FRAS1: variants seen among roughly 807,000 people sequenced by gnomAD.
FRAS1 encodes the protein Fraser extracellular matrix complex subunit 1.
In FRAS1, 290 loss-of-function variants were observed where a neutral mutation model predicts 435.2. The observed-to-expected ratio is 0.67, with a 90% CI of 0.61 to 0.73. FRAS1 has a LOEUF of 0.73. Ranked by LOEUF, FRAS1 falls within the 30% of genes least tolerant of loss-of-function variation. FRAS1 has a pLI of 0.00. For synonymous variants in FRAS1, 1,800 were observed against 1,851.0 expected, an observed-to-expected ratio of 0.97 and a Z score of 0.71; for missense variants, 4,860 against 5,001.5, an observed-to-expected ratio of 0.97 and a Z score of 0.85.
chr4:78,266,496 T>A (rs1299598831), intron 7 of FRAS1, among the ~76,000 whole-genome samples: 1 of 152,196 alleles, frequency 6.6e-6, no homozygotes, highest in South Asian at 2.1e-4. Flanking sequence ...CTGGGTCTCC[T>A]GGCAAAGGCA....
At chr4:78,481,315 T>G (rs935418535) in intron 56 of FRAS1, among the ~76,000 whole-genome samples, 3 of 152,160 alleles carry the variant, frequency 2.0e-5, no homozygotes, top group African/African-American at 7.2e-5. Flanking sequence ...AACAGAGAAA[T>G]CAACTCAGTT....
At chr4:78,441,379 G>A (rs990885028) in intron 41 of FRAS1, 82 bp downstream of exon 41, 4 of 1,318,498 alleles carry the variant, frequency 3.0e-6, no homozygotes, top group Non-Finnish European at 4.2e-6. Context: ...GCTAAAGATG[G>A]AGATGGAGAA....
chr4:78,176,981 C>A (rs1173757010), intron 2 of FRAS1, among the ~76,000 whole-genome samples: 1 of 152,124 alleles, frequency 6.6e-6, no homozygotes. Context: ...TTGCTGAAAC[C>A]AAAATTCATT....
At chr4:78,347,412 G>A (rs895414798) in intron 20 of FRAS1, among the ~76,000 whole-genome samples, 8 of 152,258 alleles carry the variant, frequency 5.3e-5, no homozygotes, top group East Asian at 3.9e-4. Context: ...ATCAACTTTG[G>A]TTTATAAAAC....
In FRAS1 at chr4:78,407,777, A is replaced by G. The variant is rs762269907; in HGVS notation, c.4244A>G (p.Asn1415Ser). ...AGCACCTTCACCCAGCAGGACATCA[A>G]TGAAGGCATCGTATGGTACAGGCAC... is the stretch of plus-strand genomic sequence containing the variant. The part of the protein sequence containing the change: ...PTSTFTQQDI[N>S]EGIVWYRHSG... The change falls in exon 31 of 74, where the codon AAT becomes AGT. Residue 1415 changes from asparagine (N) to serine (S), a missense_variant. Asn to Ser is a conservative substitution (Grantham distance 46). Coordinates refer to ENST00000512123, the MANE Select transcript of FRAS1 (RefSeq NM_025074.7). The G allele has an allele frequency of 6.8e-6, 11 of 1,613,770 alleles. No individual in the cohort carries two copies. The highest frequency in any genetic ancestry group is 1.3e-5 in the African/African-American group (1 of 74,900).
chr4:78,408,703 C>T (rs1366748065), intron 31 of FRAS1, among the ~76,000 whole-genome samples: 17 of 152,120 alleles, frequency 1.1e-4, no homozygotes. Context: ...TGAGTTAATA[C>T]AGATAGAGTA....
chr4:78,483,799 A>ATATATATATATACATACATATATAT (rs1560753038), intron 58 of FRAS1, among the ~76,000 whole-genome samples: 1 of 67,464 alleles, frequency 1.5e-5, no homozygotes, highest in African/African-American at 4.1e-5. Flanking sequence ...TATATATATA[A>ATATATATATATACATACATATATAT]AATTATGTAT....
chr4:78,111,521 A>C (rs1314894827), intron 2 of FRAS1, among the ~76,000 whole-genome samples: 1 of 68,614 alleles, frequency 1.5e-5, no homozygotes, highest in African/African-American at 5.8e-5. Flanking sequence ...CAAACACCGC[A>C]TATTCTCACT....
intron 2 of FRAS1, among the ~76,000 whole-genome samples, chr4:78,196,484 G>T (rs1020859733): frequency 6.6e-6 from 1 of 152,104 alleles, no homozygotes; most frequent in Non-Finnish European, 1.5e-5. Context: ...AACCTTACTA[G>T]AGGTCTTTGG....
chr4:78,489,269 C>A (rs1272083617), intron 59 of FRAS1, among the ~76,000 whole-genome samples, 189 bp downstream of exon 59: 1 of 152,170 alleles, frequency 6.6e-6, no homozygotes, highest in East Asian at 1.9e-4. Flanking sequence ...TTTTGACTCA[C>A]ACAAAACTTA....
At chr4:78,082,511 G>A (rs569104596) in intron 2 of FRAS1, among the ~76,000 whole-genome samples, 1 of 152,180 alleles carries the variant, frequency 6.6e-6, no homozygotes, top group African/African-American at 2.4e-5. Context: ...ATGTTAGAAA[G>A]TACAGTTTCA....
At chr4:78,127,696 G>A (rs1423689632) in intron 2 of FRAS1, among the ~76,000 whole-genome samples, 1 of 151,932 alleles carries the variant, frequency 6.6e-6, no homozygotes, top group African/African-American at 2.4e-5. Context: ...ACAGGAAGAG[G>A]ATCGTTTAGA....
At chr4:78,131,855 A>AT (rs1371684920) in intron 2 of FRAS1, among the ~76,000 whole-genome samples, 1 of 152,176 alleles carries the variant, frequency 6.6e-6, no homozygotes, top group Non-Finnish European at 1.5e-5. Context: ...ATCTGAAATT[A>AT]TTTTTGCCAG....
intron 66 of FRAS1, 58 bp from the exon 67 acceptor site, chr4:78,519,273 G>A (rs1721311287): frequency 7.0e-7 from 1 of 1,419,976 alleles, no homozygotes; most frequent in Non-Finnish European, 9.3e-7. Context: ...TGTGGTGATA[G>A]TATGTCTTTT....
chr4:78,058,152 T>C, intron 1 of FRAS1, 67 bp downstream of exon 1: 1 of 1,393,704 alleles, frequency 7.2e-7, no homozygotes. Context: ...GTGTGAGTGA[T>C]CGTGCAGTTT....
At chr4:78,114,964 G>T (rs1174420162) in intron 2 of FRAS1, among the ~76,000 whole-genome samples, 1 of 152,030 alleles carries the variant, frequency 6.6e-6, no homozygotes, top group Non-Finnish European at 1.5e-5. Flanking sequence ...TTGGCTGTGG[G>T]TTTGTCATAG....
At chr4:78,065,862 GGAA>G (rs1740006384) in intron 1 of FRAS1, 120 bp from the exon 2 acceptor site, 1 of 720,396 alleles carries the variant, frequency 1.4e-6, no homozygotes, top group South Asian at 1.7e-5. Flanking sequence ...TTAAGATTTT[GGAA>G]GAAGCTCATT....
Position 78,507,403 on chromosome 4 carries a change from G to T in FRAS1, c.9317-18G>T, listed in dbSNP as rs1172345374. The stretch of plus-strand genomic sequence containing the variant: ...CTAATGAAGCCTTTGCTCTCTTTTT[G>T]TTCTGTCCTTGGCGAAGGTGTGGAT... On this transcript the variant is annotated intron_variant, in intron 61 of 73. Transcript: ENST00000512123. 1 of 1,596,538 alleles carries T rather than the reference G, an allele frequency of 6.3e-7. No individual in the cohort carries two copies. The highest frequency in any genetic ancestry group is 1.8e-5 in the Admixed American group (1 of 55,750).
Position 78,419,026 on chromosome 4 carries a change from T to G in FRAS1, c.4503T>G (p.Ile1501Met). The change falls in exon 33 of 74, where the codon ATT becomes ATG. Residue 1501 changes from isoleucine to methionine, a missense_variant. By Grantham distance (10) the Ile-to-Met change is conservative. Transcript: ENST00000512123. ...ACTCTGAGAAGCCAAGTGGAAAGAT[T>G]GTCTACAACATCACTCTACCTCTGC... The part of the protein sequence containing the change: ...FINSEKPSGK[I>M]VYNITLPLHP... The G allele has an allele frequency of 1.3e-6, 2 of 1,596,484 alleles. No homozygotes were observed. Among genetic ancestry groups the G allele is most frequent in the Non-Finnish European group, 1.7e-6 (2 of 1,173,720 alleles).
Sources: gnomAD v4.1 joint callset for allele counts (sites outside exome capture counted in the v4.1 genomes callset) on GRCh38, gnomAD v4.1.1 for gene constraint, MANE v1.5 for transcripts, NCBI Gene and HGNC (gene_info 2026-07-23, HGNC 2026-07-21) for gene names.